The following DESI2 variants were observed in gnomAD, a reference collection of about 807,000 sequenced individuals.
DESI2 encodes deubiquitinase DESI2.
Under a neutral mutation model 24.1 loss-of-function variants are expected in DESI2, and 10 were observed. The ratio of observed to expected loss-of-function variants is 0.41; its 90% CI spans 0.26 to 0.70. The LOEUF (loss-of-function observed/expected upper bound fraction) is 0.70, where lower values mean the gene tolerates loss of function less well. DESI2 is among the 30% of genes least tolerant of loss of function. DESI2 has a pLI of 0.29. For missense variants in DESI2, 122 were observed against 234.9 expected, an observed-to-expected ratio of 0.52 and a Z score of 3.14; for synonymous variants, 71 against 87.7, an observed-to-expected ratio of 0.81 and a Z score of 1.06.
chr1:244,653,516 T>TA (rs917107906), intron 1 of DESI2, 161 bp downstream of exon 1: 1 of 667,334 alleles, frequency 1.5e-6, no homozygotes, highest in Non-Finnish European at 2.3e-6. Context: ...TGTTATTTTT[T>TA]AATCCTCGCA....
At chr1:244,705,498 A>G in intron 4 of DESI2, 58 bp from the exon 5 acceptor site, 6 of 1,415,798 alleles carry the variant, frequency 4.2e-6, no homozygotes, top group Non-Finnish European at 5.0e-6. Context: ...ACTCCCTGGC[A>G]GTGGACCAGG....
chr1:244,689,166 A>C lies in DESI2; in HGVS notation c.116-83A>C. On this transcript the variant is annotated intron_variant, in intron 2 of 4. Transcript: ENST00000302550. The surrounding 1 kb of genome is among the most constrained non-coding windows in gnomAD (Gnocchi z 4.0). Reference sequence around the variant, plus strand: ...AAAATATTTAGATGGTGTCACTGTTATCCTCAATTATTAAAGCTAATTCAG... The same window carrying C: ...AAAATATTTAGATGGTGTCACTGTTCTCCTCAATTATTAAAGCTAATTCAG... The C allele has an allele frequency of 1.3e-6, 1 of 742,658 alleles. No individual in the cohort carries two copies. Among genetic ancestry groups the C allele is most frequent in the Non-Finnish European group, 2.4e-6 (1 of 417,784 alleles). 46.0% of individuals were successfully genotyped at this position (742,658 alleles called of 1,614,324 possible).
intron 4 of DESI2, chr1:244,694,283 G>A: frequency 2.5e-6 from 1 of 399,076 alleles, no homozygotes; most frequent in South Asian, 2.1e-5. Flanking sequence ...GGCTAAAATG[G>A]TTTTTACATT....
intron 1 of DESI2, among the ~76,000 whole-genome samples, chr1:244,680,697 A>G (rs544902568): frequency 6.6e-6 from 1 of 152,310 alleles, no homozygotes; most frequent in African/African-American, 2.4e-5. Flanking sequence ...TTTGTTATTT[A>G]GGAAAAATAG....
chr1:244,703,188 G>T lies in DESI2; in HGVS notation c.352-2368G>T, dbSNP rs537890331. 2.4e-3 allele frequency among the ~76,000 whole-genome samples: 372 copies of T among 152,028 alleles called. 3 individuals are homozygous for T. The highest frequency in any genetic ancestry group is 0.012 in the South Asian group (58 of 4,794). On this transcript the variant is annotated intron_variant, in intron 4 of 4. Transcript: ENST00000302550. The stretch of plus-strand genomic sequence containing the variant: ...GGCTAATTTTTGTATTTTTAGTAGA[G>T]ATGAGGTTTCACTATGTTGGCCAGG...
intron 4 of DESI2, among the ~76,000 whole-genome samples, chr1:244,698,947 G>C (rs565081792): frequency 6.6e-6 from 1 of 152,272 alleles, no homozygotes; most frequent in East Asian, 1.9e-4. Flanking sequence ...CATATCACTA[G>C]GACTGTGACC....
chr1:244,668,711 T>A (rs1214665128), intron 1 of DESI2, among the ~76,000 whole-genome samples: 1 of 152,206 alleles, frequency 6.6e-6, no homozygotes, highest in African/African-American at 2.4e-5. Flanking sequence ...ATTAAACTGA[T>A]GAGGGGCAAA....
chr1:244,686,556 A>G (rs1445241778), intron 1 of DESI2, 41 bp from the exon 2 acceptor site: 1 of 1,341,120 alleles, frequency 7.5e-7, no homozygotes, highest in Admixed American at 1.7e-5. Context: ...TGGGTTGTAA[A>G]TGAACAGGTA....
Position 244,706,240 on chromosome 1 carries a change from A to G in DESI2, c.*451A>G, listed in dbSNP as rs888300862. On this transcript the variant is annotated 3_prime_UTR_variant, in exon 5 of 5. Coordinates refer to ENST00000302550, the MANE Select transcript of DESI2 (RefSeq NM_016076.5). ...TACTTAAACAGTTATAGTCACCATC[A>G]CCTGCTTCAGAATGGTCTTTTAGAT... is the stretch of plus-strand genomic sequence containing the variant. The G allele has an allele frequency of 6.0e-5, 10 of 165,316 alleles. No homozygotes were observed. The highest frequency in any genetic ancestry group is 2.4e-4 in the African/African-American group (10 of 41,544). The allele number at this position is 165,316 out of a possible 1,614,324, so 10.2% of individuals were successfully genotyped here.
intron 1 of DESI2, among the ~76,000 whole-genome samples, chr1:244,675,111 C>G (rs975512980): frequency 6.6e-6 from 1 of 151,878 alleles, no homozygotes; most frequent in Non-Finnish European, 1.5e-5. Flanking sequence ...AGAAGAAATA[C>G]TTTTTTTTAG....
At chr1:244,693,000 G>A (rs1291574155) in intron 4 of DESI2, among the ~76,000 whole-genome samples, 1 of 152,192 alleles carries the variant, frequency 6.6e-6, no homozygotes, top group African/African-American at 2.4e-5. Context: ...TCTTCAGGCA[G>A]GGGGAAGGTA....
At chr1:244,663,245 C>T (rs1016945843) in intron 1 of DESI2, among the ~76,000 whole-genome samples, 18 of 151,806 alleles carry the variant, frequency 1.2e-4, no homozygotes, top group Admixed American at 5.2e-4. Flanking sequence ...GCATCCGTCT[C>T]GGCTCAGTGC....
intron 1 of DESI2, among the ~76,000 whole-genome samples, chr1:244,660,202 G>A (rs932155760): frequency 6.1e-4 from 93 of 152,136 alleles, no homozygotes; most frequent in Non-Finnish European, 8.8e-5. Flanking sequence ...TGAGACAGAG[G>A]TCGCCCAGGT....
chr1:244,681,314 G>C (rs532141665), intron 1 of DESI2, among the ~76,000 whole-genome samples: 21 of 152,058 alleles, frequency 1.4e-4, no homozygotes, highest in African/African-American at 5.1e-4. Context: ...CCAGTACCAC[G>C]GGCTTCTTCC....
rs145792514 is a variant in DESI2, at chr1:244,685,908, T to A, written c.43-689T>A. 1.4e-4 allele frequency among the ~76,000 whole-genome samples: 22 copies of A among 152,334 alleles called. No homozygotes were observed. In the East Asian group the frequency reaches 3.7e-3, roughly 25 times the overall value. ...TTTCTTATCATATAACCTATGTACA[T>A]CCTCTTCCCTCTTCCTGGCATTTCT... On this transcript the variant is annotated intron_variant, in intron 1 of 4. Transcript: ENST00000302550.
At chr1:244,681,638 C>G (rs1357949755) in intron 1 of DESI2, among the ~76,000 whole-genome samples, 1 of 152,192 alleles carries the variant, frequency 6.6e-6, no homozygotes, top group Non-Finnish European at 1.5e-5. Context: ...GTAGTACATA[C>G]AAATAGTTTT....
chr1:244,693,637 G>T (rs1276303933), intron 4 of DESI2, among the ~76,000 whole-genome samples: 1 of 152,108 alleles, frequency 6.6e-6, no homozygotes, highest in Non-Finnish European at 1.5e-5. Flanking sequence ...CTCCATGTTG[G>T]TTAGGCTGGT....
chr1:244,670,917 T>A (rs1467497802), intron 1 of DESI2, among the ~76,000 whole-genome samples: 2 of 152,240 alleles, frequency 1.3e-5, no homozygotes, highest in Non-Finnish European at 2.9e-5. Context: ...AGCAGTAATC[T>A]CTGAGATTAA....
chr1:244,679,657 G>A (rs1238873953), intron 1 of DESI2, among the ~76,000 whole-genome samples: 4 of 152,096 alleles, frequency 2.6e-5, no homozygotes, highest in African/African-American at 9.7e-5. Flanking sequence ...GATCACTTGA[G>A]GCCAGGAGTT....
Sources: allele counts gnomAD v4.1 joint callset (sites outside exome capture counted in the v4.1 genomes callset), GRCh38; gene constraint gnomAD v4.1.1; non-coding constraint Gnocchi (gnomAD v3.1); transcripts MANE v1.5; gene names NCBI Gene and HGNC (gene_info 2026-07-23, HGNC 2026-07-21).